The following ULK4 variants were observed in gnomAD, a reference collection of about 807,000 sequenced individuals.
ULK4 encodes inactive serine/threonine-protein kinase ULK4.
Under a neutral mutation model 160.6 loss-of-function variants are expected in ULK4, and 133 were observed. The observed-to-expected ratio is 0.83, with a 90% confidence interval of 0.72 to 0.96. The LOEUF (loss-of-function observed/expected upper bound fraction) is 0.96, where lower values mean the gene tolerates loss of function less well. Ranked by LOEUF, ULK4 falls within the 40% of genes least tolerant of loss-of-function variation. ULK4 has a pLI of 0.00. For missense variants in ULK4, 1,580 were observed against 1,499.5 expected (o/e 1.05, Z -0.89); for synonymous variants, 534 against 539.8 (o/e 0.99, Z 0.15).
intron 17 of ULK4, among the ~76,000 whole-genome samples, chr3:41,844,124 G>A (rs1016443717): frequency 2.3e-4 from 35 of 152,214 alleles, no homozygotes; most frequent in African/African-American, 6.3e-4. Flanking sequence ...ATCCCCCACC[G>A]GGGCCGCAGG....
chr3:41,956,166 T>C (rs774951135), intron 1 of ULK4, among the ~76,000 whole-genome samples: 2 of 152,208 alleles, frequency 1.3e-5, no homozygotes, highest in African/African-American at 2.4e-5. Flanking sequence ...TTTGCAACTT[T>C]GTAACTTCAC....
At chr3:41,457,677 T>A (rs545830126) in intron 33 of ULK4, among the ~76,000 whole-genome samples, 5 of 152,316 alleles carry the variant, frequency 3.3e-5, no homozygotes, top group African/African-American at 7.2e-5. Context: ...CTCCCTCATG[T>A]CAGCCTCCTA....
intron 22 of ULK4, among the ~76,000 whole-genome samples, chr3:41,748,565 T>C (rs2038501279): frequency 6.6e-6 from 1 of 152,160 alleles, no homozygotes; most frequent in Admixed American, 6.5e-5. Flanking sequence ...TTTATTTCTA[T>C]TTTTAACATT....
rs1197596917 is a variant in ULK4 at position 41,736,261 on chromosome 3, C to T, written c.2321+18100G>A. ...TTCTAGTTCTAGATCACTGAGGAAT[C>T]GCCACACTGACTTCCACAATGGTTG... On this transcript the variant is annotated intron_variant, in intron 22 of 36. Coordinates refer to ENST00000301831, the MANE Select transcript of ULK4 (RefSeq NM_017886.4). Among the ~76,000 whole-genome samples the T allele has an allele frequency of 6.6e-5, 10 of 150,996 alleles. No individual in the cohort carries two copies. In the East Asian group the frequency reaches 1.8e-3, roughly 27 times the overall value.
At chr3:41,426,667 T>C (rs1213540140) in intron 34 of ULK4, among the ~76,000 whole-genome samples, 1 of 152,020 alleles carries the variant, frequency 6.6e-6, no homozygotes, top group Non-Finnish European at 1.5e-5. Flanking sequence ...TGAATGACTC[T>C]TGGGTAAATA....
intron 32 of ULK4, among the ~76,000 whole-genome samples, chr3:41,513,839 T>C (rs916977649): frequency 2.0e-5 from 3 of 152,134 alleles, no homozygotes; most frequent in African/African-American, 7.2e-5. Context: ...AGCTGAGGGA[T>C]AAGACTACAC....
intron 31 of ULK4, among the ~76,000 whole-genome samples, chr3:41,574,531 CTTTT>C (rs568406782): frequency 0.017 from 1,531 of 91,326 alleles, 8 homozygotes; most frequent in African/African-American, 0.053. Context: ...CCAGAGTCCT[CTTTT>C]TTTTTTTTTT....
At chr3:41,955,913 T>C (rs372223091) in intron 1 of ULK4, 2 of 152,162 alleles carry the variant, frequency 1.3e-5, no homozygotes, top group African/African-American at 2.4e-5. Context: ...AATGGAAACC[T>C]GGTACAAGGG....
At chr3:41,670,661 T>C (rs1456496189) in intron 29 of ULK4, among the ~76,000 whole-genome samples, 1 of 152,002 alleles carries the variant, frequency 6.6e-6, no homozygotes, top group Non-Finnish European at 1.5e-5. Flanking sequence ...AAAAGAAATG[T>C]AGGTACTTCA....
chr3:41,740,899 C>T (rs897350412), intron 22 of ULK4, among the ~76,000 whole-genome samples: 1 of 151,938 alleles, frequency 6.6e-6, no homozygotes, highest in Non-Finnish European at 1.5e-5. Flanking sequence ...TATATTCAAC[C>T]TTGCATTTTA....
chr3:41,906,844 T>C (rs924550710), intron 12 of ULK4, among the ~76,000 whole-genome samples: 2 of 152,016 alleles, frequency 1.3e-5, no homozygotes, highest in African/African-American at 4.8e-5. Context: ...AATACAAAAA[T>C]TAGCTGGACA....
chr3:41,413,895 C>A (rs575755892), intron 34 of ULK4, among the ~76,000 whole-genome samples: 6 of 152,286 alleles, frequency 3.9e-5, no homozygotes, highest in Admixed American at 3.9e-4. Context: ...ATAAAAAAAT[C>A]ATTTTTAGTA....
At chr3:41,406,529 C>T (rs1380403146) in intron 34 of ULK4, among the ~76,000 whole-genome samples, 5 of 152,066 alleles carry the variant, frequency 3.3e-5, no homozygotes, top group South Asian at 2.1e-4. Flanking sequence ...ATAGGAATAG[C>T]GTTGAATCTG....
intron 32 of ULK4, among the ~76,000 whole-genome samples, chr3:41,500,991 C>T (rs943355719): frequency 1.3e-5 from 2 of 151,588 alleles, no homozygotes; most frequent in African/African-American, 4.8e-5. Flanking sequence ...TACTAATTGG[C>T]TAATTAGCAC....
Position 41,623,163 on chromosome 3 carries a change from A to G in ULK4, c.3072-7446T>C, listed in dbSNP as rs1575493717. 2.0e-5 allele frequency among the ~76,000 whole-genome samples: 3 copies of G among 152,346 alleles called. No individual in the cohort carries two copies. In the South Asian group the frequency reaches 6.2e-4, roughly 32 times the overall value. On this transcript the variant is annotated intron_variant, in intron 30 of 36. Coordinates refer to ENST00000301831, the MANE Select transcript of ULK4 (RefSeq NM_017886.4). ...TGTTGTAGGTATGTGTAGTTTGTCT[A>G]TTTCACAGAAAACACCAGATATTTA... is the stretch of plus-strand genomic sequence containing the variant.
rs1485584685 is a variant in ULK4, at chr3:41,450,979, T to G, written c.3492+4518A>C. The stretch of plus-strand genomic sequence containing the variant: ...CAAGTTACAAGTAACTGGAGCGCAG[T>G]GTCACAAAGAGCTGAGAAAAACCTC... On this transcript the variant is annotated intron_variant, in intron 34 of 36. Coordinates refer to ENST00000301831, the MANE Select transcript of ULK4 (RefSeq NM_017886.4). 2.6e-5 allele frequency among the ~76,000 whole-genome samples: 4 copies of G among 152,192 alleles called. No individual in the cohort carries two copies. In the South Asian group the frequency reaches 8.3e-4, roughly 31 times the overall value.
intron 1 of ULK4, among the ~76,000 whole-genome samples, chr3:41,957,816 T>C (rs540521135): frequency 6.6e-6 from 1 of 152,186 alleles, no homozygotes; most frequent in East Asian, 1.9e-4. Flanking sequence ...GGAGGTTCAA[T>C]TGACGCCGGG....
chr3:41,425,740 A>T (rs2082762953), intron 34 of ULK4, among the ~76,000 whole-genome samples: 1 of 152,208 alleles, frequency 6.6e-6, no homozygotes, highest in African/African-American at 2.4e-5. Flanking sequence ...GAGGGAATTC[A>T]TCACCACCAG....
intron 35 of ULK4, among the ~76,000 whole-genome samples, chr3:41,291,854 G>A (rs1478510616): frequency 2.7e-5 from 4 of 148,502 alleles, no homozygotes; most frequent in South Asian, 2.1e-4. Flanking sequence ...TTTCTGAGAC[G>A]GAGTCTTGCT....
Sources: gnomAD v4.1 joint callset for allele counts (sites outside exome capture counted in the v4.1 genomes callset) on GRCh38, gnomAD v4.1.1 for gene constraint, MANE v1.5 for transcripts, NCBI Gene and HGNC (gene_info 2026-07-23, HGNC 2026-07-21) for gene names.